ITGA4: variants seen among roughly 807,000 people sequenced by gnomAD.
ITGA4 encodes the protein integrin subunit alpha 4.
In ITGA4, 63 loss-of-function variants were observed where a neutral mutation model predicts 133.6. That is an observed-to-expected ratio of 0.47 (90% CI 0.38 to 0.58). ITGA4 has a LOEUF of 0.58. ITGA4 is among the 20% of genes least tolerant of loss of function. ITGA4 has a pLI of 0.00. For missense variants in ITGA4, 1,076 were observed against 1,252.7 expected, an observed-to-expected ratio of 0.86 and a Z score of 2.13; for synonymous variants, 483 against 438.0, an observed-to-expected ratio of 1.10 and a Z score of -1.28.
chr2:181,474,896 A>T (rs1255571830), intron 2 of ITGA4, 64 bp from the exon 3 acceptor site: 1 of 1,224,206 alleles, frequency 8.2e-7, no homozygotes, highest in Middle Eastern at 1.9e-4. Flanking sequence ...ATGAGTGCAC[A>T]GTTTTCTCTT....
rs1403234585 is a variant in ITGA4, at chr2:181,537,430, G to GTTACTTGTATCATGAAT, written c.*1906_*1922dup. 4.4e-6 allele frequency: 2 copies of GTTACTTGTATCATGAAT among 453,748 alleles called. No homozygotes were observed. The highest frequency in any genetic ancestry group is 8.8e-6 in the Non-Finnish European group (2 of 226,724). 28.1% of individuals were successfully genotyped at this position (453,748 alleles called of 1,614,324 possible). A position where few individuals can be genotyped will look rare whatever the true frequency, so the allele number is the denominator to read the frequency against. On this transcript the variant is annotated 3_prime_UTR_variant, in exon 28 of 28. Coordinates refer to ENST00000397033, the MANE Select transcript of ITGA4 (RefSeq NM_000885.6). ...ATAGTATTTGTTATCAACTTACTTTGTTACTTGTATCATGAATTTTAAAAC... is the reference window on the plus strand; with the variant it reads ...ATAGTATTTGTTATCAACTTACTTTGTTACTTGTATCATGAATTTACTTGTATCATGAATTTTAAAAC...
chr2:181,482,522 G>A lies in ITGA4; in HGVS notation c.912G>A (p.Ser304=), dbSNP rs369818648. Reference sequence around the variant, plus strand: ...GGTTTGTTTTGGGACAGCTTGGATCGTACTTTGGAGCTTCTGTCTGTGCTG... The same window carrying A: ...GGTTTGTTTTGGGACAGCTTGGATCATACTTTGGAGCTTCTGTCTGTGCTG... The part of the protein sequence containing the change: ...LHEMKGKKLG[S]YFGASVCAVD... The change falls in exon 9 of 28, where the codon TCG becomes TCA. Residue 304 remains serine (S), a synonymous_variant. Coordinates refer to ENST00000397033, the MANE Select transcript of ITGA4 (RefSeq NM_000885.6). The A allele has an allele frequency of 2.0e-5, 32 of 1,613,538 alleles. No homozygotes were observed. Among genetic ancestry groups the A allele is most frequent in the South Asian group, 6.6e-5 (6 of 91,070 alleles).
At chr2:181,529,134 C>T (rs1686889780) in intron 22 of ITGA4, among the ~76,000 whole-genome samples, 1 of 152,136 alleles carries the variant, frequency 6.6e-6, no homozygotes, top group South Asian at 2.1e-4. Flanking sequence ...ATCTTGGGAA[C>T]ACTAAGAACA....
intron 10 of ITGA4, among the ~76,000 whole-genome samples, chr2:181,491,963 G>A (rs148954635): frequency 0.011 from 1,718 of 152,184 alleles, 11 homozygotes; most frequent in Non-Finnish European, 0.019. Flanking sequence ...ATGACCTATG[G>A]ATACTTTAAT....
chr2:181,527,422 A>T (rs1271923653), intron 22 of ITGA4, 35 bp downstream of exon 22: 2 of 1,369,264 alleles, frequency 1.5e-6, no homozygotes, highest in Non-Finnish European at 2.1e-6. Context: ...ATTTGTAACA[A>T]CCTAAAAGGA....
At chr2:181,493,229 C>T in intron 10 of ITGA4, 96 bp from the exon 11 acceptor site, 1 of 705,178 alleles carries the variant, frequency 1.4e-6, no homozygotes, top group South Asian at 1.9e-5. Flanking sequence ...AGAGAGTTTT[C>T]TTATGTGATA....
rs889682972 is a variant in ITGA4 at position 181,536,946 on chromosome 2, T to A, written c.*1419T>A. The A allele has an allele frequency of 2.2e-6, 1 of 453,070 alleles. No individual in the cohort carries two copies. Among genetic ancestry groups the A allele is most frequent in the Non-Finnish European group, 4.4e-6 (1 of 226,302 alleles). The allele number at this position is 453,070 out of a possible 1,614,324, so 28.1% of individuals were successfully genotyped here. A position where few individuals can be genotyped will look rare whatever the true frequency, so the allele number is the denominator to read the frequency against. On this transcript the variant is annotated 3_prime_UTR_variant, in exon 28 of 28. Transcript: ENST00000397033. The stretch of plus-strand genomic sequence containing the variant: ...CTGGGAAAGATTTCTTTATATGAAG[T>A]CCCTGCCACTAGCCAGCCATCCTAA...
At chr2:181,535,045 T>G in intron 27 of ITGA4, 110 bp downstream of exon 27, 2 of 1,249,290 alleles carry the variant, frequency 1.6e-6, no homozygotes, top group Non-Finnish European at 2.2e-6. Flanking sequence ...GAATGTTAAC[T>G]TTTTATGTTG....
Position 181,522,315 on chromosome 2 carries a change from C to G in ITGA4, c.2047C>G (p.Leu683Val). ...TCTACATGTCAAACTACCCGTGGGT[C>G]TTTATTTCATTAAGATTTTAGAGCT... is the stretch of plus-strand genomic sequence containing the variant. ...TTLHVKLPVGLYFIKILELEE... is the reference protein window; with the variant it reads ...TTLHVKLPVGVYFIKILELEE... The change falls in exon 18 of 28, where the codon CTT (leucine) becomes GTT (valine). Residue 683 changes from leucine (L) to valine (V), a missense_variant. Leu to Val is a conservative substitution (Grantham distance 32). Coordinates refer to ENST00000397033, the MANE Select transcript of ITGA4 (RefSeq NM_000885.6). 6.2e-7 allele frequency: 1 copy of G among 1,605,376 alleles called. No individual in the cohort carries two copies. The highest frequency in any genetic ancestry group is 1.7e-4 in the Middle Eastern group (1 of 6,036).
chr2:181,490,484 C>CGTGTGTGT (rs35723610), intron 10 of ITGA4, among the ~76,000 whole-genome samples: 4 of 137,742 alleles, frequency 2.9e-5, no homozygotes, highest in African/African-American at 8.2e-5. Context: ...GAATAGTATT[C>CGTGTGTGT]GTGTGTGTGT....
At chr2:181,458,824 A>G (rs1454446703) in intron 2 of ITGA4, 1 of 153,496 alleles carries the variant, frequency 6.5e-6, no homozygotes, top group Non-Finnish European at 1.5e-5. Flanking sequence ...AATCTAAAAG[A>G]AAAGGAAAAT....
intron 23 of ITGA4, 60 bp from the exon 24 acceptor site, chr2:181,530,464 C>T (rs1686921567): frequency 1.3e-6 from 2 of 1,512,736 alleles, no homozygotes; most frequent in Non-Finnish European, 1.8e-6. Flanking sequence ...AACCAGGTTG[C>T]TTTTTGCTGT....
intron 2 of ITGA4, among the ~76,000 whole-genome samples, chr2:181,469,937 G>C (rs776936428): frequency 2.0e-5 from 3 of 151,964 alleles, no homozygotes; most frequent in Non-Finnish European, 4.4e-5. Context: ...ATGGGGGAGG[G>C]ATAGCATTAG....
At chr2:181,460,566 A>AATGTGTGTGT (rs79689303) in intron 2 of ITGA4, among the ~76,000 whole-genome samples, 10,594 of 147,958 alleles carry the variant, frequency 0.072, 470 homozygotes, top group East Asian at 0.12. Context: ...TCTGTAGAAG[A>AATGTGTGTGT]GTGTGTGTGT....
At chr2:181,457,271 T>G, upstream of ITGA4, 1 of 194,054 alleles carries the variant, frequency 5.2e-6, no homozygotes. Flanking sequence ...AGGACGCGAG[T>G]CCTGCGCAGC....
intron 2 of ITGA4, among the ~76,000 whole-genome samples, chr2:181,465,415 T>TTTTTTC (rs963001000): frequency 3.3e-5 from 5 of 152,070 alleles, no homozygotes; most frequent in South Asian, 2.1e-4. Context: ...ATTGCTGTCT[T>TTTTTTC]TTTTTCTTTT....
At chr2:181,534,468 T>TA (rs1687012543) in intron 26 of ITGA4, 98 bp downstream of exon 26, 1 of 791,090 alleles carries the variant, frequency 1.3e-6, no homozygotes, top group African/African-American at 1.7e-5. Flanking sequence ...GTTGGGAAAG[T>TA]AGAGTGTGAC....
In ITGA4 at chr2:181,480,150, T is replaced by TG; in HGVS notation, c.643dup (p.Ala215GlyfsTer20). On this transcript the variant is annotated frameshift_variant, in exon 6 of 28. Coordinates refer to ENST00000397033, the MANE Select transcript of ITGA4 (RefSeq NM_000885.6). LOFTEE classifies it high-confidence loss of function. ...TTTTTCTTACAGGATTTAATTGTGA[T>TG]GGGGGCCCCAGGATCATCTTACTGG... is the stretch of plus-strand genomic sequence containing the variant. 3 of 1,549,020 alleles carry TG rather than the reference T, an allele frequency of 1.9e-6. No homozygotes were observed. Among genetic ancestry groups the TG allele is most frequent in the Non-Finnish European group, 2.6e-6 (3 of 1,153,592 alleles).
Position 181,457,631 on chromosome 2 carries a change from T to G in ITGA4, c.-24T>G, listed in dbSNP as rs200784151. ...ACTTTGGGGTAGTGGCCGTTTAGTG[T>G]TGAATGTTCCCCACCGAGAGCGCAT... On this transcript the variant is annotated 5_prime_UTR_variant, in exon 1 of 28. Transcript: ENST00000397033. The G allele has an allele frequency of 5.3e-3, 8,453 of 1,600,944 alleles. 42 individuals are homozygous for G. Among genetic ancestry groups the G allele is most frequent in the Middle Eastern group, 0.011 (53 of 4,626 alleles).
Sources: gnomAD v4.1 joint callset for allele counts (sites outside exome capture counted in the v4.1 genomes callset) on GRCh38, gnomAD v4.1.1 for gene constraint, MANE v1.5 for transcripts, NCBI Gene and HGNC (gene_info 2026-07-23, HGNC 2026-07-21) for gene names.